PDE7B: variants seen among roughly 807,000 people sequenced by gnomAD.
PDE7B encodes the protein 3',5'-cyclic-AMP phosphodiesterase 7B.
Under a neutral mutation model 56.2 loss-of-function variants are expected in PDE7B, and 29 were observed. The ratio of observed to expected loss-of-function variants is 0.52; its 90% CI spans 0.38 to 0.70. PDE7B has a LOEUF of 0.70. Ranked by LOEUF, PDE7B falls within the 30% of genes least tolerant of loss-of-function variation. The pLI is 0.00. For synonymous variants in PDE7B, 197 were observed against 196.9 expected (o/e 1.00, Z 0.00); for missense variants, 490 against 565.0 (o/e 0.87, Z 1.35).
intron 6 of PDE7B, among the ~76,000 whole-genome samples, chr6:136,153,476 T>C (rs1006262019): frequency 2.0e-5 from 3 of 152,132 alleles, no homozygotes; most frequent in Non-Finnish European, 4.4e-5. Context: ...ACTCTAAGCC[T>C]TACATTAGAC....
intron 1 of PDE7B, among the ~76,000 whole-genome samples, chr6:135,881,157 C>T (rs958000147): frequency 2.6e-5 from 4 of 151,886 alleles, no homozygotes; most frequent in Non-Finnish European, 5.9e-5. Context: ...TACATGGGAG[C>T]ATATCTTTGA....
intron 1 of PDE7B, among the ~76,000 whole-genome samples, chr6:135,921,687 A>G (rs1415115375): frequency 6.6e-6 from 1 of 152,106 alleles, no homozygotes; most frequent in African/African-American, 2.4e-5. Context: ...ATATCTCCTA[A>G]TTTTTATTCT....
At chr6:136,011,375 T>C (rs1222194858) in intron 2 of PDE7B, among the ~76,000 whole-genome samples, 1 of 152,178 alleles carries the variant, frequency 6.6e-6, no homozygotes, top group Non-Finnish European at 1.5e-5. Flanking sequence ...TAAGACTGAC[T>C]TTAGGTCATC....
At chr6:135,875,329 C>T (rs1468342374) in intron 1 of PDE7B, among the ~76,000 whole-genome samples, 1 of 151,524 alleles carries the variant, frequency 6.6e-6, no homozygotes, top group Non-Finnish European at 1.5e-5. Flanking sequence ...TATATTTTCT[C>T]TTATTGGTTT....
At chr6:135,884,509 C>T (rs1328852103) in intron 1 of PDE7B, among the ~76,000 whole-genome samples, 2 of 152,120 alleles carry the variant, frequency 1.3e-5, no homozygotes, top group African/African-American at 4.8e-5. Context: ...TTTTTGACTT[C>T]ATGTCCTTGA....
At chr6:136,190,005 G>C (rs139764889) in intron 12 of PDE7B, among the ~76,000 whole-genome samples, 1,946 of 152,140 alleles carry the variant, frequency 0.013, 36 homozygotes, top group African/African-American at 0.044. Flanking sequence ...TTTCGAGTTG[G>C]ATTTTAAAAT....
At chr6:135,874,683 A>G (rs1031342724) in intron 1 of PDE7B, among the ~76,000 whole-genome samples, 4 of 152,214 alleles carry the variant, frequency 2.6e-5, no homozygotes, top group Non-Finnish European at 5.9e-5. Context: ...TGTAGAAATG[A>G]ACATATTTTC....
chr6:135,853,439 A>G lies in PDE7B; in HGVS notation c.21+1420A>G, dbSNP rs1402500887. 2.6e-5 allele frequency among the ~76,000 whole-genome samples: 4 copies of G among 152,348 alleles called. 1 individual carries two copies. In the Middle Eastern group the frequency reaches 0.01, roughly 389 times the overall value. ...GGACTTTGTGTGTTGCAAACGCATA[A>G]CTGCAGCTCCTCCATTTCCTCTGCT... On this transcript the variant is annotated intron_variant, in intron 1 of 12. Transcript: ENST00000308191.
chr6:136,090,703 T>G (rs1777371706), intron 2 of PDE7B, among the ~76,000 whole-genome samples: 1 of 152,186 alleles, frequency 6.6e-6, no homozygotes, highest in African/African-American at 2.4e-5. Context: ...CAGAGTGCCT[T>G]GGGTTTTGTT....
intron 2 of PDE7B, among the ~76,000 whole-genome samples, chr6:136,079,452 C>A (rs1280471463): frequency 6.6e-6 from 1 of 152,148 alleles, no homozygotes; most frequent in Non-Finnish European, 1.5e-5. Context: ...GCACTAATAA[C>A]ATTTCAATGG....
chr6:136,120,509 T>C (rs950916900), intron 3 of PDE7B, among the ~76,000 whole-genome samples: 2 of 152,106 alleles, frequency 1.3e-5, no homozygotes, highest in Non-Finnish European at 2.9e-5. Context: ...AGGGGATGAC[T>C]GGCCTGAGAA....
intron 8 of PDE7B, among the ~76,000 whole-genome samples, chr6:136,171,865 C>A (rs1400233665): frequency 1.4e-5 from 2 of 147,228 alleles, no homozygotes; most frequent in East Asian, 4.1e-4. Context: ...TCAATTCCCA[C>A]CTATGAGTGA....
At chr6:136,138,098 A>G (rs1191313300) in intron 3 of PDE7B, among the ~76,000 whole-genome samples, 1 of 152,112 alleles carries the variant, frequency 6.6e-6, no homozygotes, top group African/African-American at 2.4e-5. Flanking sequence ...GTAAAATTGT[A>G]TAAGGGTCTT....
intron 2 of PDE7B, among the ~76,000 whole-genome samples, chr6:136,104,760 T>C (rs1291192344): frequency 6.6e-6 from 1 of 152,238 alleles, no homozygotes; most frequent in African/African-American, 2.4e-5. Flanking sequence ...CTTACAATTG[T>C]CCTGCCTCCT....
chr6:136,014,325 A>G (rs1775940424), intron 2 of PDE7B, among the ~76,000 whole-genome samples: 1 of 152,218 alleles, frequency 6.6e-6, no homozygotes, highest in African/African-American at 2.4e-5. Context: ...AAGTTTTTCT[A>G]TGAAGATATT....
At chr6:135,926,125 C>T (rs1326031277) in intron 1 of PDE7B, among the ~76,000 whole-genome samples, 28 of 128,810 alleles carry the variant, frequency 2.2e-4, no homozygotes, top group Middle Eastern at 0.013. Flanking sequence ...TTCACTCTGT[C>T]GCCCAGGCTG....
At chr6:135,903,638 G>C (rs985304163) in intron 1 of PDE7B, among the ~76,000 whole-genome samples, 11 of 152,096 alleles carry the variant, frequency 7.2e-5, no homozygotes, top group Admixed American at 3.9e-4. Context: ...GGGCCAAAGA[G>C]GTCCATGAAC....
intron 2 of PDE7B, among the ~76,000 whole-genome samples, chr6:135,963,551 G>T (rs1297594053): frequency 1.3e-5 from 2 of 152,260 alleles, no homozygotes; most frequent in Non-Finnish European, 1.5e-5. Context: ...ATGTATATGT[G>T]CATGTGTGTA....
intron 1 of PDE7B, among the ~76,000 whole-genome samples, chr6:135,873,271 A>G (rs1311054211): frequency 6.6e-6 from 1 of 152,156 alleles, no homozygotes. Context: ...ACAAACACAA[A>G]ATGACATGAC....
Sources: allele counts gnomAD v4.1 joint callset (sites outside exome capture counted in the v4.1 genomes callset), GRCh38; gene constraint gnomAD v4.1.1; transcripts MANE v1.5; gene names NCBI Gene and HGNC (gene_info 2026-07-23, HGNC 2026-07-21).